CHCHD3: variants seen among roughly 807,000 people sequenced by gnomAD.
The protein encoded by CHCHD3 is MICOS complex subunit MIC19.
A neutral mutation model predicts 38.2 loss-of-function variants in CHCHD3; 20 were observed. The observed-to-expected ratio is 0.52, with a 90% CI of 0.37 to 0.76. The LOEUF is 0.76. CHCHD3 is among the 30% of genes least tolerant of loss of function. The pLI is 0.00. For synonymous variants in CHCHD3, 82 were observed against 100.0 expected (o/e 0.82, Z 1.07); for missense variants, 245 against 279.2 (o/e 0.88, Z 0.87).
chr7:132,811,757 T>C lies in CHCHD3; in HGVS notation c.525-15180A>G, dbSNP rs12666165. Among the ~76,000 whole-genome samples, 57 of 152,350 alleles carry C rather than the reference T, an allele frequency of 3.7e-4. 3 individuals are homozygous for C. In the East Asian group the frequency reaches 0.011, roughly 29 times the overall value. On this transcript the variant is annotated intron_variant, in intron 6 of 7. Coordinates refer to ENST00000262570, the MANE Select transcript of CHCHD3 (RefSeq NM_017812.4). Reference sequence around the variant, plus strand: ...TCCATAATACTACACTCTCCTGTTTTTCCTCCCGGCTCTCTGGCTCATTGT... The same window carrying C: ...TCCATAATACTACACTCTCCTGTTTCTCCTCCCGGCTCTCTGGCTCATTGT...
intron 4 of CHCHD3, among the ~76,000 whole-genome samples, chr7:132,893,946 A>T (rs1230849735): frequency 1.3e-5 from 2 of 152,240 alleles, no homozygotes; most frequent in South Asian, 4.1e-4. Context: ...AGCAGTGTGA[A>T]AATGGACTAA....
chr7:132,959,997 A>T (rs1811273426), intron 4 of CHCHD3, among the ~76,000 whole-genome samples: 2 of 152,210 alleles, frequency 1.3e-5, no homozygotes, highest in South Asian at 4.1e-4. Context: ...ACGTATCTCC[A>T]GAATAGAGCT....
chr7:132,814,851 T>C (rs537431364), intron 6 of CHCHD3, among the ~76,000 whole-genome samples: 44 of 152,312 alleles, frequency 2.9e-4, no homozygotes, highest in African/African-American at 1.0e-3. Flanking sequence ...GAAACTGAAA[T>C]TTTAGACTTG....
At position 132,842,525 on chromosome 7, in the gene CHCHD3, G is replaced by A. The variant is rs149628913; in HGVS notation, c.454-4056C>T. Among the ~76,000 whole-genome samples the A allele has an allele frequency of 2.4e-3, 368 of 152,192 alleles. 1 individual carries two copies. The highest frequency in any genetic ancestry group is 2.5e-3 in the Non-Finnish European group (170 of 68,010). On this transcript the variant is annotated intron_variant, in intron 5 of 7. Coordinates refer to ENST00000262570, the MANE Select transcript of CHCHD3 (RefSeq NM_017812.4). Reference sequence around the variant, plus strand: ...ATTTCCAGTTTTCCCACTAATGTTCGTTTTCTGTTTCAGGACTTAATCTTG... The same window carrying A: ...ATTTCCAGTTTTCCCACTAATGTTCATTTTCTGTTTCAGGACTTAATCTTG...
rs1254262798 is a variant in CHCHD3 at position 132,785,207 on chromosome 7, ATCTATGTTTTCTG to A, written c.*417_*429del. The A allele has an allele frequency of 5.8e-6, 1 of 171,966 alleles. No homozygotes were observed. Among genetic ancestry groups the A allele is most frequent in the African/African-American group, 2.4e-5 (1 of 41,888 alleles). 10.7% of individuals were successfully genotyped at this position (171,966 alleles called of 1,614,324 possible). A position where few individuals can be genotyped will look rare whatever the true frequency, so the allele number is the denominator to read the frequency against. On this transcript the variant is annotated 3_prime_UTR_variant, in exon 8 of 8. Coordinates refer to ENST00000262570, the MANE Select transcript of CHCHD3 (RefSeq NM_017812.4). The stretch of plus-strand genomic sequence containing the variant: ...CTCCACCCAGCACTGCTGCCCTCGG[ATCTATGTTTTCTG>A]GCTCTCTCCTCGCCCCACTCCAATT...
At chr7:132,815,269 T>A (rs1339105340) in intron 6 of CHCHD3, among the ~76,000 whole-genome samples, 1 of 152,242 alleles carries the variant, frequency 6.6e-6, no homozygotes, top group African/African-American at 2.4e-5. Flanking sequence ...TGAGGCCATC[T>A]GACTGAAGTC....
chr7:132,937,230 A>G (rs1372638939), intron 4 of CHCHD3, among the ~76,000 whole-genome samples: 2 of 152,056 alleles, frequency 1.3e-5, no homozygotes, highest in Non-Finnish European at 2.9e-5. Flanking sequence ...TAAAGAAAAA[A>G]CTCACAAAAA....
chr7:132,958,201 G>A (rs28710211), intron 4 of CHCHD3, among the ~76,000 whole-genome samples: 9,986 of 152,250 alleles, frequency 0.066, 829 homozygotes, highest in African/African-American at 0.2. Flanking sequence ...AAGGGCCAGA[G>A]TTGTTACACC....
At chr7:132,985,785 G>C (rs1812100589) in intron 3 of CHCHD3, among the ~76,000 whole-genome samples, 1 of 98,582 alleles carries the variant, frequency 1.0e-5, no homozygotes, top group Admixed American at 1.0e-4. Flanking sequence ...GAGGCGGGGG[G>C]GTCAGCCCCC....
intron 5 of CHCHD3, among the ~76,000 whole-genome samples, chr7:132,860,531 C>G (rs1369352717): frequency 6.6e-6 from 1 of 152,086 alleles, no homozygotes; most frequent in African/African-American, 2.4e-5. Flanking sequence ...TATTGGCTTC[C>G]TTTCTTCTTT....
At chr7:132,900,823 T>A (rs909808288) in intron 4 of CHCHD3, among the ~76,000 whole-genome samples, 4 of 152,006 alleles carry the variant, frequency 2.6e-5, no homozygotes, top group African/African-American at 9.7e-5. Context: ...AAACCCCGTC[T>A]CTACTAAAAA....
At chr7:132,810,279 T>C (rs957557328) in intron 6 of CHCHD3, among the ~76,000 whole-genome samples, 1 of 152,220 alleles carries the variant, frequency 6.6e-6, no homozygotes, top group African/African-American at 2.4e-5. Flanking sequence ...AGCTAATAAA[T>C]GTGAGAAGTT....
At chr7:133,049,059 G>A (rs1290606491) in intron 2 of CHCHD3, among the ~76,000 whole-genome samples, 2 of 152,080 alleles carry the variant, frequency 1.3e-5, no homozygotes, top group East Asian at 1.9e-4. Flanking sequence ...AAAAATCCGC[G>A]TATACCCTTC....
chr7:132,945,777 G>T (rs1049644009), intron 4 of CHCHD3, among the ~76,000 whole-genome samples: 1 of 151,862 alleles, frequency 6.6e-6, no homozygotes, highest in African/African-American at 2.4e-5. Flanking sequence ...TAGGCACACA[G>T]GAGGTGCTCA....
At chr7:132,855,327 C>T (rs1808319534) in intron 5 of CHCHD3, among the ~76,000 whole-genome samples, 1 of 152,314 alleles carries the variant, frequency 6.6e-6, no homozygotes, top group Admixed American at 6.5e-5. Context: ...AGATGATACA[C>T]ATATCTGAAG....
At chr7:133,014,413 T>G (rs1002318487) in intron 3 of CHCHD3, among the ~76,000 whole-genome samples, 2 of 151,496 alleles carry the variant, frequency 1.3e-5, no homozygotes, top group Non-Finnish European at 2.9e-5. Flanking sequence ...CAATTGTAAA[T>G]AGCATATAAC....
chr7:132,841,753 A>G (rs1414890313), intron 5 of CHCHD3, among the ~76,000 whole-genome samples: 2 of 152,170 alleles, frequency 1.3e-5, no homozygotes, highest in African/African-American at 4.8e-5. Flanking sequence ...CTGGGTTGCT[A>G]TATTTTTAAA....
chr7:132,815,574 G>C, intron 6 of CHCHD3: 1 of 456,492 alleles, frequency 2.2e-6, no homozygotes, highest in Non-Finnish European at 4.4e-6. Context: ...GCCATACTGG[G>C]ACAAGAGGTA....
chr7:132,944,288 C>T (rs1194205180), intron 4 of CHCHD3, among the ~76,000 whole-genome samples: 1 of 151,810 alleles, frequency 6.6e-6, no homozygotes, highest in Non-Finnish European at 1.5e-5. Context: ...TCATCATCTC[C>T]CTTGATTCTC....
Sources: gnomAD v4.1 joint callset for allele counts (sites outside exome capture counted in the v4.1 genomes callset) on GRCh38, gnomAD v4.1.1 for gene constraint, MANE v1.5 for transcripts, NCBI Gene and HGNC (gene_info 2026-07-23, HGNC 2026-07-21) for gene names.